RFX1: variants seen among roughly 807,000 people sequenced by gnomAD.
RFX1 encodes the protein MHC class II regulatory factor RFX1.
RFX1 carries 42 observed loss-of-function variants against 119.6 expected under a neutral mutation model. The ratio of observed to expected loss-of-function variants is 0.35; its 90% CI spans 0.27 to 0.45. The LOEUF is 0.45. Ranked by LOEUF, RFX1 falls within the 20% of genes least tolerant of loss-of-function variation. The pLI is 1.00. For synonymous variants in RFX1, 628 were observed against 618.5 expected, an observed-to-expected ratio of 1.02 and a Z score of -0.23; for missense variants, 1,118 against 1,368.1, an observed-to-expected ratio of 0.82 and a Z score of 2.88.
Position 13,963,931 on chromosome 19 carries a change from G to T in RFX1, c.2288C>A (p.Ala763Asp). The T allele has an allele frequency of 6.5e-7, 1 of 1,546,982 alleles. No individual in the cohort carries two copies. The change falls in exon 17 of 21, where the codon GCT (alanine) becomes GAT (aspartate). Residue 763 changes from alanine to aspartate, a missense_variant. This residue lies in a region of RFX1 where 338 missense variants were observed against 508.9 expected (regional missense o/e 0.66). Transcript: ENST00000254325. ...SLNHLAQAARAVLQNTAQINQ... is the reference protein window; with the variant it reads ...SLNHLAQAARDVLQNTAQINQ... ...GATCTGTGCGGTGTTCTGCAGCACA[G>T]CGCGCGCCGCCTGCGCCAGGTGGTT...
chr19:13,972,679 G>A, intron 9 of RFX1, 64 bp downstream of exon 9: 3 of 1,312,894 alleles, frequency 2.3e-6, no homozygotes, highest in Non-Finnish European at 3.2e-6. Flanking sequence ...GTCATGGACT[G>A]GGCTTCTAGT....
intron 16 of RFX1, among the ~76,000 whole-genome samples, chr19:13,964,897 C>T (rs1026413236): frequency 4.6e-5 from 7 of 152,146 alleles, no homozygotes; most frequent in Non-Finnish European, 7.4e-5. Context: ...ACATGAGTCT[C>T]GCTGTTTCTT....
At position 13,978,134 on chromosome 19, in the gene RFX1, T is replaced by C. The variant is rs926831962; in HGVS notation, c.835-48A>G. 5 of 1,420,402 alleles carry C rather than the reference T, an allele frequency of 3.5e-6. No homozygotes were observed. In the Admixed American group the frequency reaches 7.1e-5, roughly 20 times the overall value. 88.0% of individuals were successfully genotyped at this position (1,420,402 alleles called of 1,614,324 possible). A position where few individuals can be genotyped will look rare whatever the true frequency, so the allele number is the denominator to read the frequency against. Reference sequence around the variant, plus strand: ...GGAGGGTCAGGGGTGGGCCAGCTCCTACGGTTCTCCCTCTAAAGGGCTGGT... The same window carrying C: ...GGAGGGTCAGGGGTGGGCCAGCTCCCACGGTTCTCCCTCTAAAGGGCTGGT... On this transcript the variant is annotated intron_variant, in intron 7 of 20. Transcript: ENST00000254325.
intron 9 of RFX1, among the ~76,000 whole-genome samples, 195 bp downstream of exon 9, chr19:13,972,548 G>A (rs951845669): frequency 9.9e-5 from 15 of 152,202 alleles, no homozygotes; most frequent in African/African-American, 3.6e-4. Flanking sequence ...CATATCAGCT[G>A]AGGCCCAGAG....
chr19:14,001,052 A>G (rs548304918), intron 1 of RFX1, among the ~76,000 whole-genome samples: 1 of 151,896 alleles, frequency 6.6e-6, no homozygotes, highest in East Asian at 1.9e-4. Flanking sequence ...CCTCTCTGCA[A>G]AAACAAAAAA....
rs1375013546 is a variant in RFX1 at position 13,965,968 on chromosome 19, C to T, written c.1962-191G>A. ...GGTCAGTGGGGCACTCTGTGTCTTG[C>T]CTCCAGTGCCAGAAGGCACAGGTAT... On this transcript the variant is annotated intron_variant, in intron 14 of 20. Transcript: ENST00000254325. The surrounding 1 kb of genome is among the most constrained non-coding windows in gnomAD (Gnocchi z 4.7). 1.3e-5 allele frequency among the ~76,000 whole-genome samples: 2 copies of T among 151,928 alleles called. No homozygotes were observed. The highest frequency in any genetic ancestry group is 4.8e-5 in the African/African-American group (2 of 41,326).
intron 5 of RFX1, 90 bp downstream of exon 5, chr19:13,982,031 G>A (rs920916013): frequency 2.3e-5 from 12 of 523,904 alleles, no homozygotes; most frequent in Middle Eastern, 5.9e-4. Flanking sequence ...CTTGGGGGGC[G>A]GGGCAGGGAG....
chr19:13,978,232 TGGA>T (rs1334326817), intron 7 of RFX1, 146 bp from the exon 8 acceptor site: 6 of 581,316 alleles, frequency 1.0e-5, no homozygotes, highest in Non-Finnish European at 1.8e-5. Context: ...CAAAACACCC[TGGA>T]GGAGGCCAGG....
chr19:14,005,989 C>A (rs1358056686), intron 1 of RFX1, 114 bp downstream of exon 1: 1 of 151,504 alleles, frequency 6.6e-6, no homozygotes, highest in South Asian at 2.1e-4. Context: ...CAGTCGCCGC[C>A]GCCATTTTGA....
intron 7 of RFX1, 50 bp downstream of exon 7, chr19:13,979,397 A>C: frequency 2.9e-6 from 4 of 1,371,178 alleles, no homozygotes; most frequent in Non-Finnish European, 4.0e-6. Context: ...CCCCAGCCCC[A>C]GCCCGGGACC....
At chr19:13,982,848 G>T (rs989130072) in intron 4 of RFX1, among the ~76,000 whole-genome samples, 1 of 152,230 alleles carries the variant, frequency 6.6e-6, no homozygotes, top group African/African-American at 2.4e-5. Context: ...GCAGCCTTCT[G>T]GGGGACAGAC....
chr19:14,005,079 T>C (rs979254532), intron 1 of RFX1, among the ~76,000 whole-genome samples: 9 of 152,114 alleles, frequency 5.9e-5, no homozygotes, highest in African/African-American at 2.2e-4. Context: ...TCAGGCTTCA[T>C]TTGCTCCCCC....
intron 2 of RFX1, among the ~76,000 whole-genome samples, chr19:13,987,995 T>A (rs79459778): frequency 2.6e-5 from 4 of 151,572 alleles, no homozygotes; most frequent in African/African-American, 9.7e-5. Flanking sequence ...GACCATGCCT[T>A]GCTCTTGACT....
At position 13,985,116 on chromosome 19, in the gene RFX1, T is replaced by C. The variant is rs188687405; in HGVS notation, c.320-1521A>G. On this transcript the variant is annotated intron_variant, in intron 2 of 20. Transcript: ENST00000254325. The surrounding 1 kb of genome is among the most constrained non-coding windows in gnomAD (Gnocchi z 4.3). ...GACTCAAGCAATCCACCTGCTTCCA[T>C]CTCCCGAAGTGCCGGAATTACCGGC... 2.2e-3 allele frequency among the ~76,000 whole-genome samples: 341 copies of C among 152,002 alleles called. No individual in the cohort carries two copies. The highest frequency in any genetic ancestry group is 4.1e-3 in the Non-Finnish European group (281 of 68,004).
In RFX1 at chr19:13,990,940, T is replaced by C. The variant is rs184133551; in HGVS notation, c.319+2585A>G. On this transcript the variant is annotated intron_variant, in intron 2 of 20. Coordinates refer to ENST00000254325, the MANE Select transcript of RFX1 (RefSeq NM_002918.5). The surrounding 1 kb of genome is among the most constrained non-coding windows in gnomAD (Gnocchi z 4.1). ...GTTACAGTGAGCCATGATTGCACCA[T>C]TGCACTCCAGCCTGGGCGACAGAGC... 3.4e-4 allele frequency among the ~76,000 whole-genome samples: 52 copies of C among 151,824 alleles called. No individual in the cohort carries two copies. Among genetic ancestry groups the C allele is most frequent in the Admixed American group, 2.0e-3 (31 of 15,240 alleles).
At chr19:13,991,650 A>G (rs1974805246) in intron 2 of RFX1, among the ~76,000 whole-genome samples, 1 of 152,062 alleles carries the variant, frequency 6.6e-6, no homozygotes, top group Non-Finnish European at 1.5e-5. Flanking sequence ...CAACGGGGCC[A>G]ATTGCTACAC....
In RFX1 at chr19:13,965,814, C is replaced by T. The variant is rs1973877252; in HGVS notation, c.1962-37G>A. On this transcript the variant is annotated intron_variant, in intron 14 of 20. Transcript: ENST00000254325. The surrounding 1 kb of genome is among the most constrained non-coding windows in gnomAD (Gnocchi z 4.7). ...CACCCCACCCCGGGTCACTGGGGTA[C>T]TCTATGGTCCTGCCCCCATCGTCAG... 3.1e-6 allele frequency: 5 copies of T among 1,605,822 alleles called. No homozygotes were observed. The highest frequency in any genetic ancestry group is 4.3e-6 in the Non-Finnish European group (5 of 1,176,212).
rs556156357 is a variant in RFX1, at chr19:13,997,909, C to T, written c.-52-4014G>A. Among the ~76,000 whole-genome samples the T allele has an allele frequency of 5.1e-4, 77 of 152,180 alleles. 1 individual carries two copies. The South Asian group carries it at 0.016, about 32-fold the overall frequency. ...AGGCTGCTGCCTGCCTTGAACAAGG[C>T]GAAGACCATCCTCCTCCAGCCCCTG... is the stretch of plus-strand genomic sequence containing the variant. On this transcript the variant is annotated intron_variant, in intron 1 of 20. Coordinates refer to ENST00000254325, the MANE Select transcript of RFX1 (RefSeq NM_002918.5).
At position 13,962,657 on chromosome 19, in the gene RFX1, G is replaced by C. The variant is rs1973733127; in HGVS notation, c.*38C>G. The C allele has an allele frequency of 6.8e-7, 1 of 1,470,340 alleles. No individual in the cohort carries two copies. The highest frequency in any genetic ancestry group is 1.4e-5 in the African/African-American group (1 of 70,178). 91.1% of individuals were successfully genotyped at this position (1,470,340 alleles called of 1,614,324 possible). ...AAGCTTTGAGGGACCCTGGCGTGGAGGGGTGGCGGGGGCGGGTGGGGCGGG... is the reference window on the plus strand; with the variant it reads ...AAGCTTTGAGGGACCCTGGCGTGGACGGGTGGCGGGGGCGGGTGGGGCGGG... On this transcript the variant is annotated 3_prime_UTR_variant, in exon 21 of 21. Transcript: ENST00000254325.
Sources: allele counts gnomAD v4.1 joint callset (sites outside exome capture counted in the v4.1 genomes callset), GRCh38; gene constraint gnomAD v4.1.1; regional missense constraint gnomAD v4.1.1; non-coding constraint Gnocchi (gnomAD v3.1); transcripts MANE v1.5; gene names NCBI Gene and HGNC (gene_info 2026-07-23, HGNC 2026-07-21).